SHLD1: variants seen among roughly 807,000 people sequenced by gnomAD.
SHLD1 encodes shieldin complex subunit 1.
A neutral mutation model predicts 5.5 loss-of-function variants in SHLD1; 3 were observed. The observed-to-expected ratio is 0.54, with a 90% CI of 0.25 to 1.40. The LOEUF (loss-of-function observed/expected upper bound fraction) is 1.40. Ranked by LOEUF, SHLD1 falls within the 40% of genes most tolerant of loss-of-function variation. The probability of loss-of-function intolerance (pLI) is 0.15; values close to 1 mark genes in which losing one functional copy is unlikely to be tolerated. For synonymous variants in SHLD1, 92 were observed against 94.3 expected, an observed-to-expected ratio of 0.98 and a Z score of 0.14; for missense variants, 210 against 244.4, an observed-to-expected ratio of 0.86 and a Z score of 0.94.
chr20:5,857,526 T>C (rs1291594402), intron 2 of SHLD1, among the ~76,000 whole-genome samples: 1 of 152,132 alleles, frequency 6.6e-6, no homozygotes, highest in Non-Finnish European at 1.5e-5. Context: ...ACTTAAGTCT[T>C]GGTCAGGTGC....
intron 2 of SHLD1, among the ~76,000 whole-genome samples, chr20:5,850,178 G>C (rs568973183): frequency 6.7e-6 from 1 of 150,254 alleles, no homozygotes; most frequent in East Asian, 1.9e-4. Flanking sequence ...CCTAAACCAG[G>C]ACTGTCCTGG....
intron 2 of SHLD1, among the ~76,000 whole-genome samples, chr20:5,853,329 C>T (rs1046634644): frequency 1.3e-4 from 20 of 152,118 alleles, no homozygotes; most frequent in African/African-American, 4.8e-4. Flanking sequence ...GCCTGCAGTC[C>T]CAGCTACTCG....
At chr20:5,832,658 C>T (rs1057368406) in intron 2 of SHLD1, among the ~76,000 whole-genome samples, 2 of 151,206 alleles carry the variant, frequency 1.3e-5, no homozygotes, top group African/African-American at 4.9e-5. Flanking sequence ...CTCCAAATCA[C>T]GAAAAAAAAG....
At chr20:5,769,987 A>G (rs542951249) in intron 1 of SHLD1, among the ~76,000 whole-genome samples, 118 of 146,888 alleles carry the variant, frequency 8.0e-4, no homozygotes, top group Non-Finnish European at 1.5e-3. Context: ...CTGGGCAACA[A>G]GAGTGAAACT....
At chr20:5,769,934 G>A (rs1375480888) in intron 1 of SHLD1, among the ~76,000 whole-genome samples, 5 of 151,378 alleles carry the variant, frequency 3.3e-5, no homozygotes, top group Admixed American at 3.3e-4. Flanking sequence ...AACCCAGGAG[G>A]CGGAGGTTGC....
chr20:5,839,486 A>AATATAGATAGAT (rs2087829673), intron 2 of SHLD1, among the ~76,000 whole-genome samples: 1 of 149,892 alleles, frequency 6.7e-6, no homozygotes, highest in African/African-American at 2.5e-5. Flanking sequence ...ATTAGATAGA[A>AATATAGATAGAT]AGATAGATAG....
intron 2 of SHLD1, among the ~76,000 whole-genome samples, chr20:5,862,629 G>A (rs2088178148): frequency 6.6e-6 from 1 of 152,230 alleles, no homozygotes; most frequent in South Asian, 2.1e-4. Flanking sequence ...AGATCTATTG[G>A]TGACAAAGTT....
intron 2 of SHLD1, among the ~76,000 whole-genome samples, chr20:5,829,425 T>G (rs1428692530): frequency 6.6e-6 from 1 of 152,164 alleles, no homozygotes; most frequent in Non-Finnish European, 1.5e-5. Context: ...GCTTATATAC[T>G]GGAGATATTG....
intron 2 of SHLD1, among the ~76,000 whole-genome samples, chr20:5,775,143 A>T (rs1220705466): frequency 2.0e-5 from 3 of 151,974 alleles, no homozygotes; most frequent in Non-Finnish European, 4.4e-5. Flanking sequence ...AGCTGAAGCT[A>T]TCCTCCTGCC....
intron 1 of SHLD1, among the ~76,000 whole-genome samples, chr20:5,754,197 A>G (rs976020967): frequency 1.3e-5 from 2 of 151,946 alleles, no homozygotes; most frequent in South Asian, 2.1e-4. Context: ...TGCAGCCTCA[A>G]CCTCCTGGGC....
intron 2 of SHLD1, among the ~76,000 whole-genome samples, chr20:5,841,658 T>A (rs947896147): frequency 2.6e-5 from 4 of 152,270 alleles, no homozygotes; most frequent in African/African-American, 9.6e-5. Context: ...ACTCCATGAC[T>A]CATAATTTCT....
chr20:5,818,654 C>A (rs950009573), intron 2 of SHLD1, among the ~76,000 whole-genome samples: 7 of 152,214 alleles, frequency 4.6e-5, no homozygotes, highest in South Asian at 4.2e-4. Flanking sequence ...AATTTGTCTC[C>A]CCAAATGGGG....
intron 2 of SHLD1, among the ~76,000 whole-genome samples, chr20:5,791,236 A>G (rs2087134329): frequency 7.6e-6 from 1 of 131,948 alleles, no homozygotes; most frequent in Non-Finnish European, 1.7e-5. Flanking sequence ...TAATGAAAAA[A>G]CAGAAAATCT....
chr20:5,821,421 G>A (rs529408388), intron 2 of SHLD1, among the ~76,000 whole-genome samples: 2 of 152,264 alleles, frequency 1.3e-5, no homozygotes, highest in African/African-American at 2.4e-5. Context: ...GTTGAGGCAC[G>A]AGAATCGCTT....
intron 2 of SHLD1, among the ~76,000 whole-genome samples, chr20:5,829,890 A>C (rs1389001734): frequency 2.0e-5 from 3 of 150,582 alleles, no homozygotes; most frequent in South Asian, 4.2e-4. Context: ...GGAAAAAAAA[A>C]CACAGGCAAT....
chr20:5,777,152 C>T (rs1255904876), intron 2 of SHLD1, among the ~76,000 whole-genome samples: 1 of 152,076 alleles, frequency 6.6e-6, no homozygotes, highest in Admixed American at 6.6e-5. Flanking sequence ...CCATGCCCAG[C>T]TAATATTTAT....
chr20:5,802,762 TC>T (rs978138052), intron 2 of SHLD1, among the ~76,000 whole-genome samples: 24 of 152,242 alleles, frequency 1.6e-4, no homozygotes, highest in Admixed American at 1.4e-3. Context: ...TCTTCCCACC[TC>T]AGCCTCCTGG....
intron 2 of SHLD1, among the ~76,000 whole-genome samples, chr20:5,819,532 A>G (rs759093025): frequency 6.6e-5 from 10 of 152,186 alleles, no homozygotes; most frequent in Admixed American, 1.3e-4. Flanking sequence ...ATATTAAAAC[A>G]TCATGTAGGC....
Position 5,832,698 on chromosome 20 carries a change from A to G in SHLD1, c.179-30326A>G, listed in dbSNP as rs185651183. Reference sequence around the variant, plus strand: ...CTTCCGGGGTAAAACCATGCAGTCTACTAATATAATCATCCTCAGTCTCAT... The same window carrying G: ...CTTCCGGGGTAAAACCATGCAGTCTGCTAATATAATCATCCTCAGTCTCAT... On this transcript the variant is annotated intron_variant, in intron 2 of 2. Transcript: ENST00000303142. 2.1e-3 allele frequency among the ~76,000 whole-genome samples: 323 copies of G among 152,240 alleles called. 4 individuals are homozygous for G. The highest frequency in any genetic ancestry group is 7.3e-3 in the African/African-American group (303 of 41,512).
Sources: allele counts gnomAD v4.1 joint callset (sites outside exome capture counted in the v4.1 genomes callset), GRCh38; gene constraint gnomAD v4.1.1; transcripts MANE v1.5; gene names NCBI Gene and HGNC (gene_info 2026-07-23, HGNC 2026-07-21).